SERPINB2: variants seen among roughly 807,000 people sequenced by gnomAD.
SERPINB2 encodes the protein plasminogen activator inhibitor 2.
Under a neutral mutation model 39.4 loss-of-function variants are expected in SERPINB2, and 28 were observed. The ratio of observed to expected loss-of-function variants is 0.71; its 90% CI spans 0.53 to 0.97. The LOEUF (loss-of-function observed/expected upper bound fraction) is 0.97. Ranked by LOEUF, SERPINB2 falls within the 50% of genes least tolerant of loss-of-function variation. The probability of loss-of-function intolerance (pLI) is 0.00; values close to 1 mark genes in which losing one functional copy is unlikely to be tolerated. For missense variants in SERPINB2, 557 were observed against 505.3 expected, an observed-to-expected ratio of 1.10 and a Z score of -0.98; for synonymous variants, 209 against 175.1, an observed-to-expected ratio of 1.19 and a Z score of -1.53.
chr18:63,897,831 G>T lies in SERPINB2; in HGVS notation c.522G>T (p.Lys174Asn). The T allele has an allele frequency of 6.3e-7, 1 of 1,592,696 alleles. No individual in the cohort carries two copies. The highest frequency in any genetic ancestry group is 8.6e-7 in the Non-Finnish European group (1 of 1,163,732). ...EARKKINSWVKTQTKGKIPNL... is the reference protein window; with the variant it reads ...EARKKINSWVNTQTKGKIPNL... ...GAAAAAAGATTAATTCCTGGGTCAA[G>T]ACTCAAACCAAAGGTAAATCCAAGA... The change falls in exon 5 of 8, where the codon AAG becomes AAT. Residue 174 changes from lysine (K) to asparagine (N), a missense_variant. Coordinates refer to ENST00000299502, the MANE Select transcript of SERPINB2 (RefSeq NM_002575.3).
At chr18:63,890,101 A>G (rs1165260361) in intron 1 of SERPINB2, 1 of 152,250 alleles carries the variant, frequency 6.6e-6, no homozygotes, top group Admixed American at 6.5e-5. Context: ...AGGAGGTGAG[A>G]GAGTTTTAGG....
chr18:63,888,288 G>C (rs779479160), intron 1 of SERPINB2, among the ~76,000 whole-genome samples: 2 of 152,194 alleles, frequency 1.3e-5, no homozygotes, highest in Non-Finnish European at 2.9e-5. Context: ...TGTTTATTGA[G>C]TTTAGTTCAA....
chr18:63,902,643 C>CA (rs71162688), intron 7 of SERPINB2, 75 bp downstream of exon 7: 16 of 1,350,662 alleles, frequency 1.2e-5, no homozygotes, highest in Non-Finnish European at 1.6e-5. Flanking sequence ...ATACTCCTTA[C>CA]AAATGGTGTG....
chr18:63,891,727 G>A (rs1269797972), intron 2 of SERPINB2, 115 bp downstream of exon 2: 5 of 1,028,270 alleles, frequency 4.9e-6, no homozygotes, highest in Non-Finnish European at 6.9e-6. Context: ...AATCATCACA[G>A]GTAATGAAGC....
At position 63,903,312 on chromosome 18, in the gene SERPINB2, GC is replaced by G; in HGVS notation, c.*8del. ...CAGATTTTCCTCACCCTAAAACTAAGCGTGCTGCTTCTGCAAAAGATTTTTG... is the reference window on the plus strand; with the variant it reads ...CAGATTTTCCTCACCCTAAAACTAAGGTGCTGCTTCTGCAAAAGATTTTTG... On this transcript the variant is annotated 3_prime_UTR_variant, in exon 8 of 8. Coordinates refer to ENST00000299502, the MANE Select transcript of SERPINB2 (RefSeq NM_002575.3). 6.8e-7 allele frequency: 1 copy of G among 1,480,474 alleles called. No individual in the cohort carries two copies. Among genetic ancestry groups the G allele is most frequent in the Non-Finnish European group, 9.0e-7 (1 of 1,115,510 alleles). The allele number at this position is 1,480,474 out of a possible 1,614,324, so 91.7% of individuals were successfully genotyped here.
chr18:63,899,722 T>C lies in SERPINB2; in HGVS notation c.535+1878T>C, dbSNP rs1326480956. Among the ~76,000 whole-genome samples, 3 of 152,166 alleles carry C rather than the reference T, an allele frequency of 2.0e-5. No homozygotes were observed. In the East Asian group the frequency reaches 5.8e-4, roughly 29 times the overall value. On this transcript the variant is annotated intron_variant, in intron 5 of 7. Transcript: ENST00000299502. ...CTAACTCCAGAATTCCTCAATCGGA[T>C]GTTTAAAAATTTTATAACTTATTTT...
intron 2 of SERPINB2, 95 bp from the exon 3 acceptor site, chr18:63,895,169 C>T: frequency 6.9e-7 from 1 of 1,456,700 alleles, no homozygotes; most frequent in Non-Finnish European, 9.4e-7. Flanking sequence ...GGGAAAAGAT[C>T]TAGGACCATT....
chr18:63,897,340 T>C (rs1198171449), intron 4 of SERPINB2, 121 bp downstream of exon 4: 8 of 1,195,942 alleles, frequency 6.7e-6, no homozygotes, highest in Non-Finnish European at 7.9e-6. Context: ...ACCAGCTCCC[T>C]AGGGCTGGCC....
chr18:63,890,173 G>A (rs191416459), intron 1 of SERPINB2: 1 of 152,210 alleles, frequency 6.6e-6, no homozygotes, highest in African/African-American at 2.4e-5. Context: ...TATTCCAAAT[G>A]AGACATTTTA....
At chr18:63,888,323 A>T (rs1432493956) in intron 1 of SERPINB2, among the ~76,000 whole-genome samples, 1 of 152,236 alleles carries the variant, frequency 6.6e-6, no homozygotes, top group African/African-American at 2.4e-5. Flanking sequence ...AGTGAAAGAG[A>T]ATAATCAGCC....
Position 63,903,187 on chromosome 18 carries a change from T to C in SERPINB2, c.1130T>C (p.Met377Thr), listed in dbSNP as rs774424834. 2 of 1,613,580 alleles carry C rather than the reference T, an allele frequency of 1.2e-6. No homozygotes were observed. Among genetic ancestry groups the C allele is most frequent in the Non-Finnish European group, 1.7e-6 (2 of 1,179,744 alleles). The change falls in exon 8 of 8, where the codon ATG (methionine) becomes ACG (threonine). Residue 377 changes from methionine (M) to threonine (T), a missense_variant. Coordinates refer to ENST00000299502, the MANE Select transcript of SERPINB2 (RefSeq NM_002575.3). ...GCAGCCGCTGGCACAGGAGGTGTTATGACAGGGAGAACTGGACATGGAGGC... is the reference window on the plus strand; with the variant it reads ...GCAGCCGCTGGCACAGGAGGTGTTACGACAGGGAGAACTGGACATGGAGGC... ...TEAAAGTGGV[M>T]TGRTGHGGPQ...
chr18:63,897,274 T>C, intron 4 of SERPINB2, 55 bp downstream of exon 4: 1 of 1,580,160 alleles, frequency 6.3e-7, no homozygotes, highest in South Asian at 1.2e-5. Context: ...ATGAAGTCAC[T>C]TTCAAAGCAG....
At chr18:63,892,822 A>G (rs2049935246) in intron 2 of SERPINB2, 1 of 152,230 alleles carries the variant, frequency 6.6e-6, no homozygotes, top group South Asian at 2.1e-4. Flanking sequence ...TGACACAAGT[A>G]GTCTTTTGCA....
rs2049952220 is a variant in SERPINB2, at chr18:63,895,312, C to T, written c.217C>T (p.Pro73Ser). 4.3e-6 allele frequency: 7 copies of T among 1,613,968 alleles called. No homozygotes were observed. The South Asian group carries it at 7.7e-5, about 18-fold the overall frequency. ...VGANAVTPMT[P>S]ENFTSCGFMQ... ...AGCCAATGCAGTTACCCCCATGACT[C>T]CAGAGAACTTTACCAGCTGTGGGTT... The change falls in exon 3 of 8, where the codon CCA (proline) becomes TCA (serine). Residue 73 changes from proline (P) to serine (S), a missense_variant. Transcript: ENST00000299502.
chr18:63,899,946 A>G (rs1320507398), intron 5 of SERPINB2, among the ~76,000 whole-genome samples: 1 of 152,166 alleles, frequency 6.6e-6, no homozygotes, highest in Non-Finnish European at 1.5e-5. Context: ...TTTGTGAAAT[A>G]CTGTTCTAAA....
chr18:63,892,955 T>C (rs1239465652), intron 2 of SERPINB2, among the ~76,000 whole-genome samples: 1 of 152,120 alleles, frequency 6.6e-6, no homozygotes, highest in East Asian at 1.9e-4. Context: ...TTTTTTGAGA[T>C]GGAGTCTCGC....
At chr18:63,899,616 G>T (rs905343507) in intron 5 of SERPINB2, among the ~76,000 whole-genome samples, 1 of 152,218 alleles carries the variant, frequency 6.6e-6, no homozygotes, top group Non-Finnish European at 1.5e-5. Context: ...GGAGCATCCT[G>T]TTCCCAGGGG....
At position 63,891,613 on chromosome 18, in the gene SERPINB2, G is replaced by A. The variant is rs2049927038; in HGVS notation, c.168+1G>A. Reference sequence around the variant, plus strand: ...CAGCACCGAAGACCAGATGGCCAAGGTGAGTTTGAGCTGAAGCTCCACATT... The same window carrying A: ...CAGCACCGAAGACCAGATGGCCAAGATGAGTTTGAGCTGAAGCTCCACATT... On this transcript the variant is annotated splice_donor_variant, in intron 2 of 7. Coordinates refer to ENST00000299502, the MANE Select transcript of SERPINB2 (RefSeq NM_002575.3). LOFTEE classifies it high-confidence loss of function. The A allele has an allele frequency of 6.2e-7, 1 of 1,612,296 alleles. No homozygotes were observed. Among genetic ancestry groups the A allele is most frequent in the Non-Finnish European group, 8.5e-7 (1 of 1,178,770 alleles).
intron 5 of SERPINB2, among the ~76,000 whole-genome samples, chr18:63,901,343 A>G (rs2049989874): frequency 6.6e-6 from 1 of 152,170 alleles, no homozygotes; most frequent in African/African-American, 2.4e-5. Context: ...TCAGATCCTC[A>G]GACTATCTAG....
Sources: gnomAD v4.1 joint callset for allele counts (sites outside exome capture counted in the v4.1 genomes callset) on GRCh38, gnomAD v4.1.1 for gene constraint, MANE v1.5 for transcripts, NCBI Gene and HGNC (gene_info 2026-07-23, HGNC 2026-07-21) for gene names.